C9orf85: variants seen among roughly 807,000 people sequenced by gnomAD.
The protein encoded by C9orf85 is chromosome 9 open reading frame 85.
In C9orf85, 16 loss-of-function variants were observed where a neutral mutation model predicts 14.9. The ratio of observed to expected loss-of-function variants is 1.08; its 90% confidence interval spans 0.73 to 1.63. The LOEUF (loss-of-function observed/expected upper bound fraction) is 1.63. Ranked by LOEUF, C9orf85 falls within the 40% of genes most tolerant of loss-of-function variation. C9orf85 has a pLI of 0.00. For synonymous variants in C9orf85, 45 were observed against 56.8 expected (o/e 0.79, Z 0.93); for missense variants, 172 against 186.1 (o/e 0.92, Z 0.44).
At chr9:71,921,709 A>G (rs1354710397) in intron 1 of C9orf85, among the ~76,000 whole-genome samples, 2 of 152,152 alleles carry the variant, frequency 1.3e-5, no homozygotes, top group African/African-American at 4.8e-5. Flanking sequence ...ATTGATTGAG[A>G]CCTGTCTCAA....
intron 2 of C9orf85, among the ~76,000 whole-genome samples, chr9:71,963,419 C>T (rs1822581024): frequency 1.3e-5 from 2 of 152,134 alleles, no homozygotes; most frequent in Non-Finnish European, 2.9e-5. Flanking sequence ...GCCTCCTCTG[C>T]CTGGGCTCCC....
chr9:71,935,304 G>C (rs765641022), intron 1 of C9orf85, among the ~76,000 whole-genome samples: 1 of 152,100 alleles, frequency 6.6e-6, no homozygotes, highest in Non-Finnish European at 1.5e-5. Flanking sequence ...AGAGATATTT[G>C]TACATCCATG....
At chr9:71,940,573 GAAAT>G (rs922604363) in intron 1 of C9orf85, among the ~76,000 whole-genome samples, 30 of 152,152 alleles carry the variant, frequency 2.0e-4, no homozygotes, top group Non-Finnish European at 1.0e-4. Flanking sequence ...GCTAAAGTAA[GAAAT>G]AAAATTTCAA....
chr9:71,936,315 T>C (rs1828190930), intron 1 of C9orf85, among the ~76,000 whole-genome samples: 1 of 152,116 alleles, frequency 6.6e-6, no homozygotes, highest in African/African-American at 2.4e-5. Context: ...ATGCATTCAG[T>C]TGACCTGGAG....
chr9:71,976,585 C>A (rs907844586), downstream of C9orf85, among the ~76,000 whole-genome samples: 5 of 151,666 alleles, frequency 3.3e-5, no homozygotes, highest in Admixed American at 2.6e-4. Context: ...TGGCATGAAC[C>A]CGGGAGGCGG....
intron 2 of C9orf85, among the ~76,000 whole-genome samples, chr9:71,949,141 T>C (rs1276003594): frequency 6.6e-6 from 1 of 152,230 alleles, no homozygotes; most frequent in Non-Finnish European, 1.5e-5. Flanking sequence ...TTTTAAGATT[T>C]CATGATCCAT....
chr9:71,977,479 A>C (rs958080642), downstream of C9orf85, among the ~76,000 whole-genome samples: 1 of 152,226 alleles, frequency 6.6e-6, no homozygotes, highest in Non-Finnish European at 1.5e-5. Flanking sequence ...CCATGTATAC[A>C]AGATTATATA....
intron 2 of C9orf85, among the ~76,000 whole-genome samples, chr9:71,962,864 C>A (rs964155653): frequency 1.3e-5 from 2 of 152,014 alleles, no homozygotes; most frequent in Admixed American, 1.3e-4. Flanking sequence ...GAGACCAGCC[C>A]GGCAAACATG....
chr9:71,983,128 T>TG (rs1192688409), exon 4 of C9orf85: 3 of 152,484 alleles, frequency 2.0e-5, no homozygotes, highest in African/African-American at 7.3e-5. Flanking sequence ...CCCGAGTAGC[T>TG]GGGATTACAG....
intron 1 of C9orf85, among the ~76,000 whole-genome samples, chr9:71,926,538 A>G (rs1371493456): frequency 6.6e-6 from 1 of 151,938 alleles, no homozygotes; most frequent in Non-Finnish European, 1.5e-5. Context: ...GTCACAGAAG[A>G]GTACTTTTAA....
chr9:71,938,460 G>C (rs761826347), intron 1 of C9orf85, among the ~76,000 whole-genome samples: 1 of 151,932 alleles, frequency 6.6e-6, no homozygotes, highest in African/African-American at 2.4e-5. Context: ...TTTGAGACTT[G>C]TTGTATACTT....
chr9:71,940,815 C>G (rs1821908994), intron 1 of C9orf85, among the ~76,000 whole-genome samples: 2 of 152,138 alleles, frequency 1.3e-5, no homozygotes, highest in South Asian at 4.1e-4. Flanking sequence ...TCCAACTGTC[C>G]TTTAATTGGT....
chr9:71,939,069 A>G (rs1434904818), intron 1 of C9orf85, among the ~76,000 whole-genome samples: 1 of 24,316 alleles, frequency 4.1e-5, no homozygotes, highest in Admixed American at 7.8e-4. Flanking sequence ...CTTTATCTGT[A>G]TTTTTATAAA....
At chr9:71,961,525 C>T (rs1051472043) in intron 2 of C9orf85, among the ~76,000 whole-genome samples, 17 of 152,104 alleles carry the variant, frequency 1.1e-4, no homozygotes, top group Non-Finnish European at 1.0e-4. Flanking sequence ...CGCGCCACTG[C>T]ACTCCAGCCT....
At chr9:71,970,326 T>C (rs938602713) in intron 2 of C9orf85, among the ~76,000 whole-genome samples, 2 of 152,218 alleles carry the variant, frequency 1.3e-5, no homozygotes, top group Admixed American at 1.3e-4. Flanking sequence ...GTTCCATGTA[T>C]ACTTGAAGAC....
chr9:71,954,313 GT>G (rs1006035543), intron 2 of C9orf85, among the ~76,000 whole-genome samples: 1 of 151,886 alleles, frequency 6.6e-6, no homozygotes, highest in Admixed American at 6.6e-5. Context: ...AGGGAAAAAG[GT>G]GTTACTGTTT....
chr9:71,976,556 C>T (rs919863430), downstream of C9orf85, among the ~76,000 whole-genome samples: 1 of 151,214 alleles, frequency 6.6e-6, no homozygotes, highest in Non-Finnish European at 1.5e-5. Flanking sequence ...CAGCTACTTG[C>T]GAGGCTGAGG....
rs192908712 is a variant in C9orf85, at chr9:71,960,292, T to C, written c.210-11213T>C. On this transcript the variant is annotated intron_variant, in intron 2 of 3. Coordinates refer to ENST00000334731, the MANE Select transcript of C9orf85 (RefSeq NM_182505.5). ...CAGATAATCCCGGGCTGTCTTTATA[T>C]GTCCTGTTTTTTTGTTCCACATAAA... Among the ~76,000 whole-genome samples, 55 of 152,370 alleles carry C rather than the reference T, an allele frequency of 3.6e-4. No homozygotes were observed. The East Asian group carries it at 0.01, about 28-fold the overall frequency.
At chr9:71,977,492 TA>T (rs1823026669), downstream of C9orf85, among the ~76,000 whole-genome samples, 1 of 152,222 alleles carries the variant, frequency 6.6e-6, no homozygotes. Flanking sequence ...ATTATATATG[TA>T]AGACCTAAAT....
Sources: gnomAD v4.1 joint callset for allele counts (sites outside exome capture counted in the v4.1 genomes callset) on GRCh38, gnomAD v4.1.1 for gene constraint, MANE v1.5 for transcripts, NCBI Gene and HGNC (gene_info 2026-07-23, HGNC 2026-07-21) for gene names.